Variants in DMXL2 observed in about 807,000 individuals in gnomAD.
The protein encoded by DMXL2 is dmX-like protein 2.
Under a neutral mutation model 331.1 loss-of-function variants are expected in DMXL2, and 103 were observed. That is an observed-to-expected ratio of 0.31 (90% confidence interval 0.27 to 0.37). DMXL2 has a LOEUF of 0.37. DMXL2 is among the 10% of genes least tolerant of loss of function. DMXL2 has a pLI of 1.00. For synonymous variants in DMXL2, 1,281 were observed against 1,252.1 expected, an observed-to-expected ratio of 1.02 and a Z score of -0.49; for missense variants, 3,171 against 3,642.9, an observed-to-expected ratio of 0.87 and a Z score of 3.33.
intron 42 of DMXL2, 98 bp downstream of exon 42, chr15:51,451,547 A>G: frequency 2.1e-6 from 2 of 940,684 alleles, no homozygotes; most frequent in East Asian, 5.2e-5. Context: ...CTGTCAATAA[A>G]CACTCACTGG....
intron 2 of DMXL2, among the ~76,000 whole-genome samples, chr15:51,569,940 C>G (rs2050549516): frequency 6.6e-6 from 1 of 152,100 alleles, no homozygotes; most frequent in African/African-American, 2.4e-5. Context: ...TGGAGAATGA[C>G]TTTGACAAAC....
intron 18 of DMXL2, among the ~76,000 whole-genome samples, chr15:51,497,122 G>A (rs530862556): frequency 1.5e-4 from 23 of 152,296 alleles, no homozygotes; most frequent in South Asian, 4.1e-4. Context: ...GTTCTGGGAA[G>A]AATCTCATTC....
At chr15:51,458,909 C>A in intron 34 of DMXL2, 114 bp from the exon 35 acceptor site, 1 of 863,700 alleles carries the variant, frequency 1.2e-6, no homozygotes, top group Admixed American at 2.5e-5. Context: ...GCAGCAGCAG[C>A]AGCAGCAGCA....
chr15:51,451,392 A>T (rs1231261825), intron 42 of DMXL2, among the ~76,000 whole-genome samples: 1 of 152,274 alleles, frequency 6.6e-6, no homozygotes, highest in East Asian at 1.9e-4. Flanking sequence ...TAGTACCACT[A>T]TCCATACCAT....
chr15:51,456,091 A>C lies in DMXL2; in HGVS notation c.8501T>G (p.Leu2834Ter). 1 of 1,614,210 alleles carries C rather than the reference A, an allele frequency of 6.2e-7. No homozygotes were observed. Among genetic ancestry groups the C allele is most frequent in the Non-Finnish European group, 8.5e-7 (1 of 1,180,038 alleles). Reference protein sequence around the residue: ...RQAGNARVTRLYFNSQGNKCG... With the variant: ...RQAGNARVTR ...CTTGTTGCCTTGTGAATTAAAATAT[A>C]ATCTAGTAACTCTTGCATTGCCAGC... Residue 2834 changes from leucine (L) to a stop codon, truncating the protein, a stop_gained, in exon 39 of 44, where the codon TTA (leucine) becomes TGA (stop). Coordinates refer to ENST00000560891, the MANE Select transcript of DMXL2 (RefSeq NM_001378457.1). LOFTEE classifies it high-confidence loss of function.
At chr15:51,558,576 G>T (rs1409715249) in intron 6 of DMXL2, among the ~76,000 whole-genome samples, 4 of 152,018 alleles carry the variant, frequency 2.6e-5, no homozygotes, top group Non-Finnish European at 2.9e-5. Context: ...TTAGTTATTG[G>T]AACTACTACT....
chr15:51,462,170 G>A (rs939928147), intron 33 of DMXL2, among the ~76,000 whole-genome samples: 6 of 151,884 alleles, frequency 4.0e-5, no homozygotes, highest in African/African-American at 1.5e-4. Context: ...TGGGTGAGTG[G>A]GAAAAAGAAC....
Position 51,456,422 on chromosome 15 carries a change from AAGGATATGCTTC to A in DMXL2, c.8338-65_8338-54del, listed in dbSNP as rs1482977684. On this transcript the variant is annotated intron_variant, in intron 37 of 43. Coordinates refer to ENST00000560891, the MANE Select transcript of DMXL2 (RefSeq NM_001378457.1). ...TTTTGTGTATGCAGAAAAGATGAGG[AAGGATATGCTTC>A]AGGATAAATTCTGACATTTATTCTC... 3 of 1,050,042 alleles carry A rather than the reference AAGGATATGCTTC, an allele frequency of 2.9e-6. No homozygotes were observed. The African/African-American group carries it at 4.8e-5, about 17-fold the overall frequency. The allele number at this position is 1,050,042 out of a possible 1,614,324, so 65.0% of individuals were successfully genotyped here.
intron 2 of DMXL2, among the ~76,000 whole-genome samples, chr15:51,575,242 G>C (rs1395708192): frequency 6.6e-6 from 1 of 152,060 alleles, no homozygotes; most frequent in East Asian, 1.9e-4. Context: ...GTATAAATTT[G>C]TATGATTACT....
chr15:51,458,808 C>A lies in DMXL2; in HGVS notation c.7990-13G>T, dbSNP rs775437762. 6.2e-7 allele frequency: 1 copy of A among 1,612,476 alleles called. No homozygotes were observed. Among genetic ancestry groups the A allele is most frequent in the Admixed American group, 1.7e-5 (1 of 59,966 alleles). On this transcript the variant is annotated splice_polypyrimidine_tract_variant and intron_variant, in intron 34 of 43. Coordinates refer to ENST00000560891, the MANE Select transcript of DMXL2 (RefSeq NM_001378457.1). ...GATCAGCTTCAACCTAGAAAACATT[C>A]ATCAGCAGTTTTAGTTGCTGCAGCA...
intron 19 of DMXL2, among the ~76,000 whole-genome samples, chr15:51,492,366 C>A (rs2042870566): frequency 6.6e-6 from 1 of 152,208 alleles, no homozygotes; most frequent in African/African-American, 2.4e-5. Flanking sequence ...CGTAAGAGTT[C>A]CAGAAAATAA....
At chr15:51,590,160 T>C (rs1356782785) in intron 1 of DMXL2, among the ~76,000 whole-genome samples, 2 of 152,042 alleles carry the variant, frequency 1.3e-5, no homozygotes, top group East Asian at 1.9e-4. Flanking sequence ...CCAAAAGCCA[T>C]AGGCTAGCCA....
intron 6 of DMXL2, among the ~76,000 whole-genome samples, chr15:51,559,321 GA>G (rs2049802860): frequency 6.6e-6 from 1 of 152,142 alleles, no homozygotes; most frequent in Admixed American, 6.5e-5. Context: ...AACAGGCAAG[GA>G]ACTTGCCCAG....
chr15:51,523,599 T>C (rs1011857862), intron 13 of DMXL2, among the ~76,000 whole-genome samples: 1 of 152,214 alleles, frequency 6.6e-6, no homozygotes, highest in Non-Finnish European at 1.5e-5. Flanking sequence ...CAAAATCTAA[T>C]GACTTCTGTC....
intron 6 of DMXL2, among the ~76,000 whole-genome samples, chr15:51,560,903 T>C (rs1027217479): frequency 6.6e-6 from 1 of 151,496 alleles, no homozygotes; most frequent in African/African-American, 2.4e-5. Context: ...AGTTGAGGAG[T>C]AGGGTACATG....
At chr15:51,597,909 A>T (rs1371300422) in intron 1 of DMXL2, among the ~76,000 whole-genome samples, 1 of 152,186 alleles carries the variant, frequency 6.6e-6, no homozygotes, top group Non-Finnish European at 1.5e-5. Flanking sequence ...GCTCCTTTTC[A>T]AATATTTACC....
chr15:51,542,091 C>T (rs951473240), intron 9 of DMXL2, among the ~76,000 whole-genome samples: 2 of 152,136 alleles, frequency 1.3e-5, no homozygotes, highest in African/African-American at 2.4e-5. Flanking sequence ...ACTAGGAATG[C>T]TTGTTATAGT....
Position 51,461,559 on chromosome 15 carries a change from TATTG to T in DMXL2, c.7926+1816_7926+1819del, listed in dbSNP as rs1169738305. On this transcript the variant is annotated intron_variant, in intron 33 of 43. Coordinates refer to ENST00000560891, the MANE Select transcript of DMXL2 (RefSeq NM_001378457.1). ...AGAGCCCCTAATTGACCAGAAATCT[TATTG>T]ATTAAGACAGGGTCTCACTTTGTTA... Among the ~76,000 whole-genome samples the T allele has an allele frequency of 1.1e-4, 17 of 152,160 alleles. No homozygotes were observed. The South Asian group carries it at 1.4e-3, about 13-fold the overall frequency.
chr15:51,491,477 C>T (rs2042793330), intron 20 of DMXL2, 101 bp downstream of exon 20: 1 of 1,216,818 alleles, frequency 8.2e-7, no homozygotes, highest in East Asian at 2.5e-5. Context: ...TCAAGATAGA[C>T]AAACAAATTT....
Sources: allele counts gnomAD v4.1 joint callset (sites outside exome capture counted in the v4.1 genomes callset), GRCh38; gene constraint gnomAD v4.1.1; transcripts MANE v1.5; gene names NCBI Gene and HGNC (gene_info 2026-07-23, HGNC 2026-07-21).